The following MAP3K4 variants were observed in gnomAD, a reference collection of about 807,000 sequenced individuals.
MAP3K4 encodes MAP three kinase 1.
Under a neutral mutation model 185.6 loss-of-function variants are expected in MAP3K4, and 67 were observed. That is an observed-to-expected ratio of 0.36 (90% CI 0.30 to 0.44). The LOEUF is 0.44. MAP3K4 is among the 20% of genes least tolerant of loss of function. The pLI, the probability that MAP3K4 is intolerant of heterozygous loss-of-function variation, is 1.00. For synonymous variants in MAP3K4, 702 were observed against 710.4 expected (o/e 0.99, Z 0.19); for missense variants, 1,551 against 1,995.1 (o/e 0.78, Z 4.24).
At chr6:161,018,399 T>C (rs1782213926) in intron 1 of MAP3K4, among the ~76,000 whole-genome samples, 2 of 152,120 alleles carry the variant, frequency 1.3e-5, no homozygotes, top group Admixed American at 6.5e-5. Flanking sequence ...TGAGTACCAG[T>C]TGGTTGAAGT....
chr6:161,015,945 C>A (rs903679012), intron 1 of MAP3K4, among the ~76,000 whole-genome samples: 30 of 152,134 alleles, frequency 2.0e-4, no homozygotes, highest in African/African-American at 7.2e-4. Flanking sequence ...TTTTTCCACT[C>A]CAGCAGTTGA....
chr6:161,060,324 AAAT>A (rs769724720), intron 3 of MAP3K4, among the ~76,000 whole-genome samples: 9 of 152,196 alleles, frequency 5.9e-5, no homozygotes, highest in Non-Finnish European at 4.4e-5. Flanking sequence ...CTATTTTTTA[AAAT>A]AATGATGTGG....
rs1778494195 is a variant in MAP3K4, at chr6:161,114,193, T to C, written c.4627-930T>C. The stretch of plus-strand genomic sequence containing the variant: ...TTCCAATCTCTATCAAAATTTTAAA[T>C]GTGCATAGCACTTAAACCAAGAAGT... On this transcript the variant is annotated intron_variant, in intron 25 of 26. Coordinates refer to ENST00000392142, the MANE Select transcript of MAP3K4 (RefSeq NM_005922.4). This position sits in a 1 kb window ranked among gnomAD's most constrained non-coding sequence, Gnocchi z 4.3. Among the ~76,000 whole-genome samples the C allele has an allele frequency of 6.6e-6, 1 of 152,226 alleles. No individual in the cohort carries two copies. Among genetic ancestry groups the C allele is most frequent in the Non-Finnish European group, 1.5e-5 (1 of 68,040 alleles).
intron 13 of MAP3K4, among the ~76,000 whole-genome samples, chr6:161,092,599 T>A (rs1777375228): frequency 6.6e-6 from 1 of 152,184 alleles, no homozygotes; most frequent in Admixed American, 6.5e-5. Flanking sequence ...ATGGGGCACT[T>A]TCTTAAAGTC....
intron 2 of MAP3K4, among the ~76,000 whole-genome samples, chr6:161,038,742 C>A (rs1338816491): frequency 6.6e-6 from 1 of 152,210 alleles, no homozygotes; most frequent in Non-Finnish European, 1.5e-5. Flanking sequence ...GCTGGAATAG[C>A]TCAGTTGGCT....
At chr6:160,999,236 C>T (rs1284372862) in intron 1 of MAP3K4, among the ~76,000 whole-genome samples, 2 of 152,152 alleles carry the variant, frequency 1.3e-5, no homozygotes, top group Admixed American at 1.3e-4. Flanking sequence ...CTGAATAGGG[C>T]TTGTTAGAGG....
chr6:161,091,242 G>T lies in MAP3K4; in HGVS notation c.2974-137G>T. Reference sequence around the variant, plus strand: ...AATGACATAATTTCTTCTATATTTGGTAATTCCTTTACCAAGTGGCTGAAT... The same window carrying T: ...AATGACATAATTTCTTCTATATTTGTTAATTCCTTTACCAAGTGGCTGAAT... On this transcript the variant is annotated intron_variant, in intron 11 of 26. Coordinates refer to ENST00000392142, the MANE Select transcript of MAP3K4 (RefSeq NM_005922.4). This position sits in a 1 kb window ranked among gnomAD's most constrained non-coding sequence, Gnocchi z 5.5. 3 of 586,266 alleles carry T rather than the reference G, an allele frequency of 5.1e-6. No individual in the cohort carries two copies. Among genetic ancestry groups the T allele is most frequent in the South Asian group, 3.3e-5 (1 of 30,038 alleles). The allele number at this position is 586,266 out of a possible 1,614,324, so 36.3% of individuals were successfully genotyped here.
chr6:161,089,963 G>C (rs927407966), intron 11 of MAP3K4, among the ~76,000 whole-genome samples: 2 of 152,168 alleles, frequency 1.3e-5, no homozygotes, highest in African/African-American at 4.8e-5. Flanking sequence ...CAGCCTGGCT[G>C]TCTTTTTCCA....
chr6:161,034,186 A>T lies in MAP3K4; in HGVS notation c.153-73A>T, dbSNP rs1241144805. ...ACAAAAGTTTTACAAAGAATTATTT[A>T]AAAAATTATAAGTAAATTTGAATTC... On this transcript the variant is annotated intron_variant, in intron 1 of 26. Transcript: ENST00000392142. The surrounding 1 kb of genome is among the most constrained non-coding windows in gnomAD (Gnocchi z 4.4). 7 of 1,205,354 alleles carry T rather than the reference A, an allele frequency of 5.8e-6. No individual in the cohort carries two copies. Among genetic ancestry groups the T allele is most frequent in the South Asian group, 1.7e-5 (1 of 58,836 alleles). The allele number at this position is 1,205,354 out of a possible 1,614,324, so 74.7% of individuals were successfully genotyped here. A position where few individuals can be genotyped will look rare whatever the true frequency, so the allele number is the denominator to read the frequency against.
In MAP3K4 at chr6:161,116,003, G is replaced by A. The variant is rs1778576138; in HGVS notation, c.4806+701G>A. On this transcript the variant is annotated intron_variant, in intron 26 of 26. Coordinates refer to ENST00000392142, the MANE Select transcript of MAP3K4 (RefSeq NM_005922.4). The surrounding 1 kb of genome is among the most constrained non-coding windows in gnomAD (Gnocchi z 6.2). ...CTCTAGAGGCAAAGGAATTGAGAAG[G>A]TTCTGATACAGCCAAGGGGTTGGGA... Among the ~76,000 whole-genome samples, 1 of 152,194 alleles carries A rather than the reference G, an allele frequency of 6.6e-6. No homozygotes were observed. The highest frequency in any genetic ancestry group is 1.5e-5 in the Non-Finnish European group (1 of 68,022).
intron 1 of MAP3K4, among the ~76,000 whole-genome samples, chr6:160,999,699 G>T (rs1781178629): frequency 6.6e-6 from 1 of 152,152 alleles, no homozygotes; most frequent in African/African-American, 2.4e-5. Context: ...ATCGCCATGT[G>T]CTCCCCTGGT....
At chr6:161,111,700 C>T in intron 23 of MAP3K4, 136 bp from the exon 24 acceptor site, 1 of 902,476 alleles carries the variant, frequency 1.1e-6, no homozygotes, top group Non-Finnish European at 1.7e-6. Flanking sequence ...CCTATGATTA[C>T]ACTTTGTAAG....
chr6:161,031,006 T>C (rs1782901977), intron 1 of MAP3K4, among the ~76,000 whole-genome samples: 1 of 152,224 alleles, frequency 6.6e-6, no homozygotes, highest in Admixed American at 6.5e-5. Context: ...TGATGCTTAA[T>C]GGGTAAGGAA....
chr6:161,044,738 G>A (rs1783642184), intron 2 of MAP3K4, among the ~76,000 whole-genome samples: 1 of 152,214 alleles, frequency 6.6e-6, no homozygotes, highest in African/African-American at 2.4e-5. Flanking sequence ...TGCTATACAA[G>A]CGTGGCACCA....
chr6:161,034,259 G>A lies in MAP3K4; in HGVS notation c.153G>A (p.Arg51=). 6.2e-7 allele frequency: 1 copy of A among 1,611,494 alleles called. No homozygotes were observed. The highest frequency in any genetic ancestry group is 8.5e-7 in the Non-Finnish European group (1 of 1,178,322). The part of the protein sequence containing the change: ...ESEPECCLAA[R]QEGTLGDSAC... ...TTTCCCTGCACACTGTCTTTCATAG[G>A]CAAGAGGGCACATTGGGAGATTCAG... The change falls in exon 2 of 27, where the codon AGG becomes AGA. Residue 51 remains arginine, a splice_region_variant and synonymous_variant. Coordinates refer to ENST00000392142, the MANE Select transcript of MAP3K4 (RefSeq NM_005922.4). This position sits in a 1 kb window ranked among gnomAD's most constrained non-coding sequence, Gnocchi z 4.4.
intron 1 of MAP3K4, among the ~76,000 whole-genome samples, chr6:161,031,711 G>A (rs7760056): frequency 0.91 from 138,216 of 152,228 alleles, 62,908 homozygotes; most frequent in East Asian, 0.99. Context: ...GTAGCCCTTT[G>A]TTTCCATTAC....
At chr6:161,089,623 C>A in intron 11 of MAP3K4, 152 bp downstream of exon 11, 1 of 684,842 alleles carries the variant, frequency 1.5e-6, no homozygotes, top group Non-Finnish European at 2.3e-6. Flanking sequence ...TTTCTTATGT[C>A]TAAACTACAT....
At position 160,992,041 on chromosome 6, in the gene MAP3K4, A is replaced by C; in HGVS notation, c.110A>C (p.Glu37Ala). 6.3e-7 allele frequency: 1 copy of C among 1,577,588 alleles called. No individual in the cohort carries two copies. Among genetic ancestry groups the C allele is most frequent in the Non-Finnish European group, 8.6e-7 (1 of 1,168,354 alleles). ...PPPPPPPPPP[E>A]PETESEPECC... ...CCGCCGCCGCCACCACCGCCACCGG[A>C]ACCCGAGACCGAGTCAGAACCCGAG... The change falls in exon 1 of 27, where the codon GAA becomes GCA. Residue 37 changes from glutamate to alanine, a missense_variant. This residue lies in a region of MAP3K4 where 287 missense variants were observed against 268.8 expected (regional missense o/e 1.07). Coordinates refer to ENST00000392142, the MANE Select transcript of MAP3K4 (RefSeq NM_005922.4).
Position 161,116,643 on chromosome 6 carries a change from TAGTC to T in MAP3K4, c.4807-203_4807-200del, listed in dbSNP as rs972696730. Among the ~76,000 whole-genome samples, 28 of 152,360 alleles carry T rather than the reference TAGTC, an allele frequency of 1.8e-4. No individual in the cohort carries two copies. The highest frequency in any genetic ancestry group is 1.8e-3 in the Admixed American group (27 of 15,310). The stretch of plus-strand genomic sequence containing the variant: ...TAGGCGTTTTAGAAAATGCTTTCAT[TAGTC>T]AGTTCCCAGGCTTAACTTTAGAGCA... On this transcript the variant is annotated intron_variant, in intron 26 of 26. Transcript: ENST00000392142. This position sits in a 1 kb window ranked among gnomAD's most constrained non-coding sequence, Gnocchi z 6.2.
Sources: gnomAD v4.1 joint callset for allele counts (sites outside exome capture counted in the v4.1 genomes callset) on GRCh38, gnomAD v4.1.1 for gene constraint, gnomAD v4.1.1 regional missense constraint, Gnocchi (gnomAD v3.1) non-coding constraint, MANE v1.5 for transcripts, NCBI Gene and HGNC (gene_info 2026-07-23, HGNC 2026-07-21) for gene names.